The following CYB561D1 variants were observed in gnomAD, a reference collection of about 807,000 sequenced individuals.
CYB561D1 encodes the protein probable transmembrane reductase CYB561D1.
A neutral mutation model predicts 19.2 loss-of-function variants in CYB561D1; 15 were observed. The ratio of observed to expected loss-of-function variants is 0.78; its 90% CI spans 0.52 to 1.20. The LOEUF (loss-of-function observed/expected upper bound fraction) is 1.20, where lower values mean the gene tolerates loss of function less well. CYB561D1 is among the 50% of genes most tolerant of loss of function. The probability of loss-of-function intolerance (pLI) is 0.00; values close to 1 mark genes in which losing one functional copy is unlikely to be tolerated. For synonymous variants in CYB561D1, 133 were observed against 120.6 expected, an observed-to-expected ratio of 1.10 and a Z score of -0.68; for missense variants, 297 against 287.3, an observed-to-expected ratio of 1.03 and a Z score of -0.24.
rs1487107639 is a variant in CYB561D1 at position 109,495,163 on chromosome 1, G to A, written c.169G>A (p.Val57Ile). 19 of 1,614,128 alleles carry A rather than the reference G, an allele frequency of 1.2e-5. No homozygotes were observed. The highest frequency in any genetic ancestry group is 1.6e-5 in the Non-Finnish European group (19 of 1,180,044). Residue 57 changes from valine to isoleucine, a missense_variant, in exon 2 of 3, where the codon GTA becomes ATA. Coordinates refer to ENST00000420578, the MANE Select transcript of CYB561D1 (RefSeq NM_182580.3). ...PGTSLFSWHP[V>I]FMALAFCLCM... ...CTTAGGTCTTTTCTCCTGGCACCCT[G>A]TATTCATGGCCTTGGCGGTGAGTTT...
At position 109,494,565 on chromosome 1, in the gene CYB561D1, G is replaced by T. The variant is rs764825912; in HGVS notation, c.148+278G>T. The T allele has an allele frequency of 1.0e-5, 15 of 1,436,328 alleles. No homozygotes were observed. In the African/African-American group the frequency reaches 2.1e-4, roughly 20 times the overall value. The allele number at this position is 1,436,328 out of a possible 1,614,324, so 89.0% of individuals were successfully genotyped here. A position where few individuals can be genotyped will look rare whatever the true frequency, so the allele number is the denominator to read the frequency against. Reference sequence around the variant, plus strand: ...GATAGAAGTGAAGGAGGCCGGGCGCGGTGGGTCATGCCTGAAATCCCAGCA... The same window carrying T: ...GATAGAAGTGAAGGAGGCCGGGCGCTGTGGGTCATGCCTGAAATCCCAGCA... On this transcript the variant is annotated intron_variant, in intron 1 of 2. Coordinates refer to ENST00000420578, the MANE Select transcript of CYB561D1 (RefSeq NM_182580.3).
chr1:109,494,617 A>C lies in CYB561D1; in HGVS notation c.148+330A>C, dbSNP rs780254486. The C allele has an allele frequency of 1.1e-5, 14 of 1,320,340 alleles. No individual in the cohort carries two copies. In the South Asian group the frequency reaches 1.7e-4, roughly 16 times the overall value. The allele number at this position is 1,320,340 out of a possible 1,614,324, so 81.8% of individuals were successfully genotyped here. A position where few individuals can be genotyped will look rare whatever the true frequency, so the allele number is the denominator to read the frequency against. ...TTTGGGAGGCCGACGCGGGTGGATC[A>C]CTTGAGGTCAGGAGTTCGAGACCAG... On this transcript the variant is annotated intron_variant, in intron 1 of 2. Transcript: ENST00000420578.
intron 2 of CYB561D1, 44 bp downstream of exon 2, chr1:109,495,224 T>A: frequency 2.5e-6 from 4 of 1,606,338 alleles, no homozygotes; most frequent in Non-Finnish European, 3.4e-6. Flanking sequence ...ATTCCTCACC[T>A]CATTCTCCCA....
At chr1:109,495,520 A>G (rs1277567943) in intron 2 of CYB561D1, among the ~76,000 whole-genome samples, 3 of 152,226 alleles carry the variant, frequency 2.0e-5, no homozygotes, top group Non-Finnish European at 4.4e-5. Flanking sequence ...TGGTCAAGAA[A>G]TGGGAGTCAT....
rs1319440797 is a variant in CYB561D1 at position 109,494,143 on chromosome 1, C to A, written c.4C>A (p.Gln2Lys). MQPLEVGLVPAP... is the reference protein window; with the variant it reads MKPLEVGLVPAP... ...TACGGGCCCGCGGGCCACGGCCATG[C>A]AGCCCCTGGAGGTAGGTCTGGTTCC... is the stretch of plus-strand genomic sequence containing the variant. The change falls in exon 1 of 3, where the codon CAG becomes AAG. Residue 2 changes from glutamine to lysine, a missense_variant. Coordinates refer to ENST00000420578, the MANE Select transcript of CYB561D1 (RefSeq NM_182580.3). 2.6e-6 allele frequency: 4 copies of A among 1,519,434 alleles called. No homozygotes were observed. In the East Asian group the frequency reaches 9.9e-5, roughly 38 times the overall value. 94.1% of individuals were successfully genotyped at this position (1,519,434 alleles called of 1,614,324 possible). A position where few individuals can be genotyped will look rare whatever the true frequency, so the allele number is the denominator to read the frequency against.
At position 109,494,115 on chromosome 1, in the gene CYB561D1, G is replaced by T. The variant is rs1347878347; in HGVS notation, c.-25G>T. The T allele has an allele frequency of 6.9e-7, 1 of 1,456,494 alleles. No homozygotes were observed. Among genetic ancestry groups the T allele is most frequent in the South Asian group, 1.4e-5 (1 of 71,596 alleles). The allele number at this position is 1,456,494 out of a possible 1,614,324, so 90.2% of individuals were successfully genotyped here. A position where few individuals can be genotyped will look rare whatever the true frequency, so the allele number is the denominator to read the frequency against. On this transcript the variant is annotated 5_prime_UTR_variant, in exon 1 of 3. Coordinates refer to ENST00000420578, the MANE Select transcript of CYB561D1 (RefSeq NM_182580.3). The stretch of plus-strand genomic sequence containing the variant: ...CGGAAGACGTGTTCGGGCAGCTGGA[G>T]TGTACGGGCCCGCGGGCCACGGCCA...
rs1455501999 is a variant in CYB561D1, at chr1:109,495,761, C to A, written c.192C>A (p.Cys64Ter). 1.2e-6 allele frequency: 2 copies of A among 1,614,216 alleles called. No individual in the cohort carries two copies. The highest frequency in any genetic ancestry group is 4.5e-5 in the East Asian group (2 of 44,890). ...GCTCTCTCCTATGTTCACAGTTCTG[C>A]CTCTGCATGGCTGAAGCCATCCTAC... ...WHPVFMALAF[C>*]LCMAEAILLF... is the part of the protein sequence containing the mutation. Residue 64 changes from cysteine to a stop codon, truncating the protein, a stop_gained, in exon 3 of 3, where the codon TGC becomes TGA. Transcript: ENST00000420578. LOFTEE classifies it high-confidence loss of function.
In CYB561D1 at chr1:109,496,647, G is replaced by A. The variant is rs1291871475; in HGVS notation, c.*388G>A. 5.9e-6 allele frequency: 1 copy of A among 169,080 alleles called. No individual in the cohort carries two copies. Among genetic ancestry groups the A allele is most frequent in the Non-Finnish European group, 1.3e-5 (1 of 79,244 alleles). 10.5% of individuals were successfully genotyped at this position (169,080 alleles called of 1,614,324 possible). On this transcript the variant is annotated 3_prime_UTR_variant, in exon 3 of 3. Transcript: ENST00000420578. ...AAAGCAGTGTGATGTAGTGGAGAGAGCCCATGGGTCTTATTTATGGGATAT... is the reference window on the plus strand; with the variant it reads ...AAAGCAGTGTGATGTAGTGGAGAGAACCCATGGGTCTTATTTATGGGATAT...
At position 109,496,990 on chromosome 1, in the gene CYB561D1, C is replaced by T. The variant is rs1571112044; in HGVS notation, c.*731C>T. 1 of 152,688 alleles carries T rather than the reference C, an allele frequency of 6.5e-6. No homozygotes were observed. The highest frequency in any genetic ancestry group is 2.4e-5 in the African/African-American group (1 of 41,458). 9.5% of individuals were successfully genotyped at this position (152,688 alleles called of 1,614,324 possible). On this transcript the variant is annotated 3_prime_UTR_variant, in exon 3 of 3. Coordinates refer to ENST00000420578, the MANE Select transcript of CYB561D1 (RefSeq NM_182580.3). ...TCAGGCACTGTGGAAAGAAGGGACTCAGGTGAGGGTCTTCTGGACTCTAAG... is the reference window on the plus strand; with the variant it reads ...TCAGGCACTGTGGAAAGAAGGGACTTAGGTGAGGGTCTTCTGGACTCTAAG...
At chr1:109,494,609 G>T (rs1270929103) in intron 1 of CYB561D1, 1 of 1,341,250 alleles carries the variant, frequency 7.5e-7, no homozygotes, top group Admixed American at 2.4e-5. Context: ...GGCCGACGCG[G>T]GTGGATCACT....
At position 109,500,397 on chromosome 1, in the gene CYB561D1, G is replaced by A. The variant is rs1657834014; in HGVS notation, c.*4138G>A. On this transcript the variant is annotated 3_prime_UTR_variant, in exon 3 of 3. Transcript: ENST00000420578. ...GAGAGAATGAATGTTAATAGGAATT[G>A]GAAAATTCAAAGCATTAAACACATG... The A allele has an allele frequency of 6.6e-6, 1 of 152,178 alleles. No homozygotes were observed. The highest frequency in any genetic ancestry group is 1.5e-5 in the Non-Finnish European group (1 of 68,040). The allele number at this position is 152,178 out of a possible 1,614,324, so 9.4% of individuals were successfully genotyped here. A position where few individuals can be genotyped will look rare whatever the true frequency, so the allele number is the denominator to read the frequency against.
Position 109,494,196 on chromosome 1 carries a change from C to G in CYB561D1, c.57C>G (p.Thr19=). The G allele has an allele frequency of 6.4e-7, 1 of 1,558,680 alleles. No individual in the cohort carries two copies. The highest frequency in any genetic ancestry group is 2.4e-5 in the East Asian group (1 of 41,504). ...VPAPAGEPRL[T]RWLRRGSGIL... ...CTCCAGCTGGGGAGCCGAGACTGAC[C>G]CGCTGGCTGCGGAGAGGCAGTGGGA... The change falls in exon 1 of 3, where the codon ACC becomes ACG. Residue 19 remains threonine (T), a synonymous_variant. Coordinates refer to ENST00000420578, the MANE Select transcript of CYB561D1 (RefSeq NM_182580.3).
chr1:109,500,313 G>C lies in CYB561D1; in HGVS notation c.*4054G>C, dbSNP rs1257146623. 2.0e-5 allele frequency: 3 copies of C among 152,254 alleles called. No individual in the cohort carries two copies. Among genetic ancestry groups the C allele is most frequent in the Non-Finnish European group, 4.4e-5 (3 of 68,052 alleles). 9.4% of individuals were successfully genotyped at this position (152,254 alleles called of 1,614,324 possible). ...TTACTCCGTCCCTATCACTGGTGTG[G>C]CTGTGGGCAAACCACTTATTGCCTG... On this transcript the variant is annotated 3_prime_UTR_variant, in exon 3 of 3. Transcript: ENST00000420578.
At chr1:109,495,095 G>A in intron 1 of CYB561D1, 48 bp from the exon 2 acceptor site, 1 of 1,607,628 alleles carries the variant, frequency 6.2e-7, no homozygotes, top group Non-Finnish European at 8.5e-7. Flanking sequence ...AGCTACAGGG[G>A]CAGGAACAAT....
At chr1:109,495,087 C>A in intron 1 of CYB561D1, 56 bp from the exon 2 acceptor site, 2 of 1,596,112 alleles carry the variant, frequency 1.3e-6, no homozygotes, top group Non-Finnish European at 1.7e-6. Flanking sequence ...TTCCACCTAG[C>A]TACAGGGGCA....
chr1:109,494,338 G>C (rs1413011642), intron 1 of CYB561D1, 51 bp downstream of exon 1: 6 of 1,531,340 alleles, frequency 3.9e-6, no homozygotes, highest in Non-Finnish European at 4.4e-6. Flanking sequence ...AGATGCTGGA[G>C]GGGCAGCGCT....
In CYB561D1 at chr1:109,500,113, C is replaced by T. The variant is rs1172572124; in HGVS notation, c.*3854C>T. 6.6e-6 allele frequency: 1 copy of T among 152,278 alleles called. No individual in the cohort carries two copies. Among genetic ancestry groups the T allele is most frequent in the Non-Finnish European group, 1.5e-5 (1 of 68,056 alleles). 9.4% of individuals were successfully genotyped at this position (152,278 alleles called of 1,614,324 possible). A position where few individuals can be genotyped will look rare whatever the true frequency, so the allele number is the denominator to read the frequency against. The stretch of plus-strand genomic sequence containing the variant: ...TACCTGGCTTGGCCTACAGGGGGCA[C>T]CCCTGGTCTTGATGCCTCAAGCCCA... On this transcript the variant is annotated 3_prime_UTR_variant, in exon 3 of 3. Transcript: ENST00000420578.
chr1:109,498,459 T>G lies in CYB561D1; in HGVS notation c.*2200T>G, dbSNP rs1270825309. 3.9e-5 allele frequency: 6 copies of G among 152,314 alleles called. No homozygotes were observed. The highest frequency in any genetic ancestry group is 1.2e-4 in the African/African-American group (5 of 41,434). The allele number at this position is 152,314 out of a possible 1,614,324, so 9.4% of individuals were successfully genotyped here. On this transcript the variant is annotated 3_prime_UTR_variant, in exon 3 of 3. Coordinates refer to ENST00000420578, the MANE Select transcript of CYB561D1 (RefSeq NM_182580.3). ...GGTCTCCTGCTTAGCCTGGTCTGAC[T>G]GCAGTGTAGGGAATAGGTCACCAGG...
In CYB561D1 at chr1:109,496,165, G is replaced by C. The variant is rs202187355; in HGVS notation, c.596G>C (p.Trp199Ser). The change falls in exon 3 of 3, where the codon TGG (tryptophan) becomes TCG (serine). Residue 199 changes from tryptophan to serine, a missense_variant. By Grantham distance (177) the Trp-to-Ser change is radical. Transcript: ENST00000420578. ...CAGGCCCAGATCAAAGGTGCGGCCT[G>C]GTACCTGTGCCTGGCACTGCCCGTC... Reference protein sequence around the residue: ...WFQAQIKGAAWYLCLALPVYP... With the variant: ...WFQAQIKGAASYLCLALPVYP... 37 of 1,613,118 alleles carry C rather than the reference G, an allele frequency of 2.3e-5. No homozygotes were observed. Among genetic ancestry groups the C allele is most frequent in the Non-Finnish European group, 2.5e-6 (3 of 1,179,238 alleles).
Sources: allele counts gnomAD v4.1 joint callset (sites outside exome capture counted in the v4.1 genomes callset), GRCh38; gene constraint gnomAD v4.1.1; transcripts MANE v1.5; gene names NCBI Gene and HGNC (gene_info 2026-07-23, HGNC 2026-07-21).